The following DAB1 variants were observed in gnomAD, a reference collection of about 807,000 sequenced individuals.
DAB1 encodes the protein disabled homolog 1.
A neutral mutation model predicts 64.6 loss-of-function variants in DAB1; 15 were observed. That is an observed-to-expected ratio of 0.23 (90% CI 0.16 to 0.36). DAB1 has a LOEUF of 0.36. DAB1 is among the 10% of genes least tolerant of loss of function. DAB1 has a pLI of 1.00. For synonymous variants in DAB1, 235 were observed against 251.9 expected, an observed-to-expected ratio of 0.93 and a Z score of 0.64; for missense variants, 596 against 706.7, an observed-to-expected ratio of 0.84 and a Z score of 1.78.
intron 14 of DAB1, among the ~76,000 whole-genome samples, chr1:56,999,430 A>C (rs1645759594): frequency 6.6e-6 from 1 of 152,166 alleles, no homozygotes. Flanking sequence ...GAGAGACCCC[A>C]ATCTTTCCAT....
chr1:57,414,422 AT>A (rs1465866672), intron 1 of DAB1, among the ~76,000 whole-genome samples: 1 of 152,198 alleles, frequency 6.6e-6, no homozygotes, highest in African/African-American at 2.4e-5. Context: ...GCAATAAAGT[AT>A]TTTCAATTAA....
rs781725702 is a variant in DAB1 at position 57,381,854 on chromosome 1, C to T, written c.-137+42076G>A. 4.6e-5 allele frequency among the ~76,000 whole-genome samples: 7 copies of T among 152,286 alleles called. No individual in the cohort carries two copies. In the East Asian group the frequency reaches 5.8e-4, roughly 13 times the overall value. On this transcript the variant is annotated intron_variant, in intron 1 of 14. Transcript: ENST00000371236. ...GAGCTGATGGTGTGAAATTAAACTT[C>T]GAGCTCACTGCTTTCCCAGACAGAG...
intron 9 of DAB1, among the ~76,000 whole-genome samples, chr1:57,058,858 G>A (rs552662633): frequency 6.6e-6 from 1 of 152,248 alleles, no homozygotes; most frequent in East Asian, 1.9e-4. Context: ...ACTATGCTAG[G>A]TGCTGAAATT....
chr1:57,773,181 T>C (rs1198677007), intron 6 of DAB1, among the ~76,000 whole-genome samples: 9 of 152,082 alleles, frequency 5.9e-5, no homozygotes, highest in Non-Finnish European at 1.3e-4. Context: ...AGCCATTCAG[T>C]TTTCAGTACT....
intron 7 of DAB1, among the ~76,000 whole-genome samples, chr1:57,470,748 T>G: frequency 6.6e-6 from 1 of 152,216 alleles, no homozygotes; most frequent in East Asian, 1.9e-4. Flanking sequence ...TCCTAATTCC[T>G]TTAAAAATCA....
At chr1:57,304,543 A>T (rs775672636) in intron 1 of DAB1, among the ~76,000 whole-genome samples, 9 of 152,164 alleles carry the variant, frequency 5.9e-5, no homozygotes, top group Non-Finnish European at 1.0e-4. Flanking sequence ...CCTTAGGCAA[A>T]TCTCTTGAAG....
intron 2 of DAB1, among the ~76,000 whole-genome samples, chr1:57,197,391 A>G (rs1197373087): frequency 1.3e-5 from 2 of 152,042 alleles, no homozygotes; most frequent in African/African-American, 4.8e-5. Flanking sequence ...CCGAAACCAC[A>G]TGATGAAATG....
chr1:57,287,694 ATTTG>A (rs1369049348), intron 2 of DAB1, among the ~76,000 whole-genome samples: 1 of 152,116 alleles, frequency 6.6e-6, no homozygotes, highest in Non-Finnish European at 1.5e-5. Flanking sequence ...AAGTTAGCAA[ATTTG>A]TTTAATGAAA....
intron 6 of DAB1, among the ~76,000 whole-genome samples, chr1:57,683,866 T>A (rs1012668936): frequency 1.8e-4 from 28 of 152,140 alleles, no homozygotes; most frequent in African/African-American, 6.5e-4. Context: ...ATCCAAAGAA[T>A]CCAGTAAAAC....
intron 4 of DAB1, among the ~76,000 whole-genome samples, chr1:58,322,741 T>C (rs7528794): frequency 0.081 from 12,331 of 152,238 alleles, 1,194 homozygotes; most frequent in East Asian, 0.23. Context: ...CATTACTGGG[T>C]ATATACCCAA....
chr1:57,119,401 C>A lies in DAB1; in HGVS notation c.306+17142G>T, dbSNP rs540868387. 1.5e-3 allele frequency among the ~76,000 whole-genome samples: 223 copies of A among 152,198 alleles called. 3 individuals carry two copies. The Middle Eastern group carries it at 0.017, about 12-fold the overall frequency. ...TGTCTTTCCCCCCTCCTCTTGAGCA[C>A]TTAGAGACCTCAGCTTCTAGGAATG... On this transcript the variant is annotated intron_variant, in intron 4 of 14. Transcript: ENST00000371236.
intron 4 of DAB1, among the ~76,000 whole-genome samples, chr1:58,207,749 T>A (rs1344066991): frequency 1.3e-5 from 2 of 152,160 alleles, no homozygotes; most frequent in African/African-American, 4.8e-5. Context: ...AACACAGAGT[T>A]CCTTACTAAT....
chr1:57,480,094 G>A (rs1643996293), intron 7 of DAB1, among the ~76,000 whole-genome samples: 1 of 150,662 alleles, frequency 6.6e-6, no homozygotes, highest in Admixed American at 6.6e-5. Context: ...GGAGCTTGCA[G>A]TGAGTCGAGA....
intron 1 of DAB1, among the ~76,000 whole-genome samples, chr1:57,381,688 T>G (rs1487185990): frequency 6.6e-6 from 1 of 152,216 alleles, no homozygotes; most frequent in Admixed American, 6.5e-5. Context: ...TAGTCTGCCA[T>G]GTACAGAGGC....
At chr1:57,139,776 C>T (rs965016800) in intron 3 of DAB1, among the ~76,000 whole-genome samples, 1 of 152,050 alleles carries the variant, frequency 6.6e-6, no homozygotes, top group African/African-American at 2.4e-5. Context: ...TTGCTGGTGT[C>T]AAGTAGCTAC....
chr1:57,056,898 C>T (rs539489442), intron 9 of DAB1, among the ~76,000 whole-genome samples: 19 of 151,800 alleles, frequency 1.3e-4, no homozygotes, highest in Non-Finnish European at 1.8e-4. Context: ...GAAATACATT[C>T]GAAAAAGCAA....
chr1:57,564,661 T>C (rs1442464860), intron 7 of DAB1, among the ~76,000 whole-genome samples: 1 of 152,130 alleles, frequency 6.6e-6, no homozygotes, highest in Non-Finnish European at 1.5e-5. Context: ...GCCAATCTGA[T>C]CAACTGGAAG....
intron 1 of DAB1, among the ~76,000 whole-genome samples, chr1:57,383,075 G>C (rs561297742): frequency 6.6e-6 from 1 of 152,282 alleles, no homozygotes; most frequent in East Asian, 1.9e-4. Context: ...GGGAATAAAA[G>C]TGGCAGGGCT....
chr1:57,637,605 A>C (rs1646072885), intron 7 of DAB1, among the ~76,000 whole-genome samples: 1 of 152,200 alleles, frequency 6.6e-6, no homozygotes. Context: ...AGGGTTGATA[A>C]AGACAGGATG....
Sources: gnomAD v4.1 joint callset for allele counts (sites outside exome capture counted in the v4.1 genomes callset) on GRCh38, gnomAD v4.1.1 for gene constraint, MANE v1.5 for transcripts, NCBI Gene and HGNC (gene_info 2026-07-23, HGNC 2026-07-21) for gene names.